Variants in IDH3B observed in about 807,000 individuals in gnomAD.
The protein encoded by IDH3B is isocitrate dehydrogenase (NAD(+)) 3 non-catalytic subunit beta.
IDH3B carries 40 observed loss-of-function variants against 47.5 expected under a neutral mutation model. The ratio of observed to expected loss-of-function variants is 0.84; its 90% CI spans 0.65 to 1.10. The LOEUF (loss-of-function observed/expected upper bound fraction) is 1.10, where lower values mean the gene tolerates loss of function less well. Ranked by LOEUF, IDH3B falls within the 50% of genes least tolerant of loss-of-function variation. The pLI, the probability that IDH3B is intolerant of heterozygous loss-of-function variation, is 0.00. For missense variants in IDH3B, 450 were observed against 505.2 expected, an observed-to-expected ratio of 0.89 and a Z score of 1.05; for synonymous variants, 185 against 191.0, an observed-to-expected ratio of 0.97 and a Z score of 0.26.
In IDH3B at chr20:2,659,447, T is replaced by G. The variant is rs748549513; in HGVS notation, c.1071+78A>C. 6 of 1,552,468 alleles carry G rather than the reference T, an allele frequency of 3.9e-6. No individual in the cohort carries two copies. In the African/African-American group the frequency reaches 8.2e-5, roughly 21 times the overall value. Reference sequence around the variant, plus strand: ...GGGGAAAGGAGACCCCCATTCAGGTTCCCCAGAGGGTAGTGCCGAGGTGCT... The same window carrying G: ...GGGGAAAGGAGACCCCCATTCAGGTGCCCCAGAGGGTAGTGCCGAGGTGCT... On this transcript the variant is annotated intron_variant, in intron 11 of 11. Coordinates refer to ENST00000380843, the MANE Select transcript of IDH3B (RefSeq NM_006899.5).
chr20:2,660,663 C>T lies in IDH3B; in HGVS notation c.531+34G>A, dbSNP rs2086929117. 6.2e-7 allele frequency: 1 copy of T among 1,614,228 alleles called. No homozygotes were observed. The highest frequency in any genetic ancestry group is 2.2e-5 in the East Asian group (1 of 44,880). On this transcript the variant is annotated intron_variant, in intron 6 of 11. Transcript: ENST00000380843. This position sits in a 1 kb window ranked among gnomAD's most constrained non-coding sequence, Gnocchi z 5.6. ...AGGAGCTCCACCTCTCTCCCATCTT[C>T]ATCCTTGCCCTCCCCCAGTTTCTGG... is the stretch of plus-strand genomic sequence containing the variant.
intron 11 of IDH3B, 196 bp downstream of exon 11, chr20:2,659,329 A>G: frequency 6.4e-7 from 1 of 1,551,296 alleles, no homozygotes; most frequent in South Asian, 1.2e-5. Context: ...GGCAAAAGAG[A>G]TCAAGAGGAT....
Position 2,658,414 on chromosome 20 carries a change from G to T in IDH3B, c.*337C>A. The T allele has an allele frequency of 1.2e-6, 2 of 1,613,566 alleles. No homozygotes were observed. Among genetic ancestry groups the T allele is most frequent in the South Asian group, 1.1e-5 (1 of 90,944 alleles). Reference sequence around the variant, plus strand: ...CAAGAGTTGGTTCATGTTCTTTATTGAACACCTTACATGGGTATGGACAGG... The same window carrying T: ...CAAGAGTTGGTTCATGTTCTTTATTTAACACCTTACATGGGTATGGACAGG... On this transcript the variant is annotated 3_prime_UTR_variant, in exon 12 of 12. Transcript: ENST00000380843.
chr20:2,663,603 C>A, intron 3 of IDH3B, 37 bp from the exon 4 acceptor site: 1 of 1,614,138 alleles, frequency 6.2e-7, no homozygotes, highest in East Asian at 2.2e-5. Context: ...ACAGTCAAGG[C>A]CAAGTCCTTT....
intron 4 of IDH3B, among the ~76,000 whole-genome samples, 154 bp from the exon 5 acceptor site, chr20:2,661,123 G>A (rs1438421750): frequency 6.6e-6 from 1 of 151,820 alleles, no homozygotes; most frequent in Admixed American, 6.6e-5. Context: ...TGGGGGCAAG[G>A]GACAAAAGAG....
intron 11 of IDH3B, 110 bp downstream of exon 11, chr20:2,659,415 G>T (rs768944372): frequency 7.2e-6 from 11 of 1,534,292 alleles, no homozygotes; most frequent in Non-Finnish European, 9.9e-6. Context: ...ATGTTCTGGG[G>T]ACCTGGGGGG....
At position 2,662,901 on chromosome 20, in the gene IDH3B, G is replaced by A. The variant is rs142423939; in HGVS notation, c.337+545C>T. ...GAACCCGGGAGGCAGAGGTTGCAGT[G>A]AGCTGAGATGGCAACATTGCACTCC... On this transcript the variant is annotated intron_variant, in intron 4 of 11. Coordinates refer to ENST00000380843, the MANE Select transcript of IDH3B (RefSeq NM_006899.5). Among the ~76,000 whole-genome samples the A allele has an allele frequency of 3.4e-3, 517 of 152,324 alleles. 2 individuals are homozygous for A. Among genetic ancestry groups the A allele is most frequent in the Non-Finnish European group, 6.3e-3 (427 of 68,026 alleles).
chr20:2,663,726 G>A lies in IDH3B; in HGVS notation c.150C>T (p.Pro50=), dbSNP rs780476351. The A allele has an allele frequency of 6.2e-7, 1 of 1,614,200 alleles. No homozygotes were observed. The highest frequency in any genetic ancestry group is 1.3e-5 in the African/African-American group (1 of 75,054). ...AEDVRVEGSF[P]VTMLPGDGVG... Reference sequence around the variant, plus strand: ...CACCGTCTCCCGGAAGCATGGTCACGGGAAAGGAGCCCTCCACCCTCACGT... The same window carrying A: ...CACCGTCTCCCGGAAGCATGGTCACAGGAAAGGAGCCCTCCACCCTCACGT... The change falls in exon 3 of 12, where the codon CCC becomes CCT. Residue 50 remains proline, a synonymous_variant. Coordinates refer to ENST00000380843, the MANE Select transcript of IDH3B (RefSeq NM_006899.5).
Position 2,663,922 on chromosome 20 carries a change from T to A in IDH3B, c.117+3A>T. The A allele has an allele frequency of 6.2e-7, 1 of 1,613,704 alleles. No homozygotes were observed. The highest frequency in any genetic ancestry group is 8.5e-7 in the Non-Finnish European group (1 of 1,179,700). On this transcript the variant is annotated splice_donor_region_variant and intron_variant, in intron 2 of 11. Transcript: ENST00000380843. ...GAGAGACCCCAGCCAGATTCGTGCATACCTGGCTCCGCGATGCAGCGTGCG... is the reference window on the plus strand; with the variant it reads ...GAGAGACCCCAGCCAGATTCGTGCAAACCTGGCTCCGCGATGCAGCGTGCG...
chr20:2,663,563 C>T lies in IDH3B; in HGVS notation c.220G>A (p.Ala74Thr). The T allele has an allele frequency of 6.2e-7, 1 of 1,614,202 alleles. No homozygotes were observed. Among genetic ancestry groups the T allele is most frequent in the Non-Finnish European group, 8.5e-7 (1 of 1,180,042 alleles). The change falls in exon 4 of 12, where the codon GCC (alanine) becomes ACC (threonine). Residue 74 changes from alanine (A) to threonine (T), a missense_variant. Physicochemically the swap from Ala to Thr is moderately conservative, Grantham distance 58. Transcript: ENST00000380843. ...TCCTGGAACTCCACTGGGACAGCGGCAGCCTTCAGAGACAGGTTCCCAAAA... is the reference window on the plus strand; with the variant it reads ...TCCTGGAACTCCACTGGGACAGCGGTAGCCTTCAGAGACAGGTTCCCAAAA... ...MHAVKEVFKA[A>T]AVPVEFQEHH...
rs5026920 is a variant in IDH3B at position 2,659,082 on chromosome 20, C to T, written c.1072-245G>A. ...CTGAGCAGGCAAAGATGATGGGAAA[C>T]GCAGATCAGAGGCAGGATGTGGCTA... On this transcript the variant is annotated intron_variant, in intron 11 of 11. Coordinates refer to ENST00000380843, the MANE Select transcript of IDH3B (RefSeq NM_006899.5). The T allele has an allele frequency of 3.5e-4, 504 of 1,429,504 alleles. 1 individual carries two copies. The highest frequency in any genetic ancestry group is 6.1e-4 in the Admixed American group (21 of 34,598). The allele number at this position is 1,429,504 out of a possible 1,614,324, so 88.6% of individuals were successfully genotyped here.
chr20:2,663,885 A>G (rs757303229), intron 2 of IDH3B, 40 bp downstream of exon 2: 1 of 1,605,420 alleles, frequency 6.2e-7, no homozygotes, highest in South Asian at 1.1e-5. Context: ...CGAGGAAGGG[A>G]CAGGGTCGTA....
chr20:2,660,465 G>A lies in IDH3B; in HGVS notation c.657C>T (p.Ala219=). 2 of 1,614,032 alleles carry A rather than the reference G, an allele frequency of 1.2e-6. No individual in the cohort carries two copies. Among genetic ancestry groups the A allele is most frequent in the Non-Finnish European group, 1.7e-6 (2 of 1,180,010 alleles). The change falls in exon 7 of 12, where the codon GCC becomes GCT. Residue 219 remains alanine, a synonymous_variant. Transcript: ENST00000380843. The surrounding 1 kb of genome is among the most constrained non-coding windows in gnomAD (Gnocchi z 5.6). ...AAAGCCATGCCCCTCACATGATGTT[G>A]GCCTTGTGGACAGCAGTGACCTTGC... is the stretch of plus-strand genomic sequence containing the variant. The part of the protein sequence containing the change: ...GRGKVTAVHK[A]NIMKLGDGLF...
Position 2,663,777 on chromosome 20 carries a change from G to T in IDH3B, c.118-19C>A. 1 of 1,612,578 alleles carries T rather than the reference G, an allele frequency of 6.2e-7. No homozygotes were observed. The highest frequency in any genetic ancestry group is 8.5e-7 in the Non-Finnish European group (1 of 1,178,606). On this transcript the variant is annotated intron_variant, in intron 2 of 11. Coordinates refer to ENST00000380843, the MANE Select transcript of IDH3B (RefSeq NM_006899.5). The stretch of plus-strand genomic sequence containing the variant: ...CCTCGGCCTCAATTGGGGGAAGAGG[G>T]GAGAAGTAAAGATAGAGCTGGGGCG...
At chr20:2,663,625 C>T (rs751084358) in intron 3 of IDH3B, 35 bp downstream of exon 3, 11 of 1,614,046 alleles carry the variant, frequency 6.8e-6, no homozygotes, top group Non-Finnish European at 8.5e-6. Flanking sequence ...CAACACACTA[C>T]TGTCCTCTAC....
At chr20:2,663,078 G>A (rs1318217847) in intron 4 of IDH3B, among the ~76,000 whole-genome samples, 2 of 151,598 alleles carry the variant, frequency 1.3e-5, no homozygotes, top group South Asian at 4.2e-4. Context: ...AGTGAGCCGA[G>A]ATCGCGCCAC....
Position 2,663,563 on chromosome 20 carries a change from C to G in IDH3B, c.220G>C (p.Ala74Pro). The G allele has an allele frequency of 6.8e-6, 11 of 1,614,202 alleles. No homozygotes were observed. Among genetic ancestry groups the G allele is most frequent in the Non-Finnish European group, 9.3e-6 (11 of 1,180,042 alleles). The stretch of plus-strand genomic sequence containing the variant: ...TCCTGGAACTCCACTGGGACAGCGG[C>G]AGCCTTCAGAGACAGGTTCCCAAAA... Reference protein sequence around the residue: ...MHAVKEVFKAAAVPVEFQEHH... With the variant: ...MHAVKEVFKAPAVPVEFQEHH... The change falls in exon 4 of 12, where the codon GCC becomes CCC. Residue 74 changes from alanine (A) to proline (P), a missense_variant. Coordinates refer to ENST00000380843, the MANE Select transcript of IDH3B (RefSeq NM_006899.5).
chr20:2,662,671 T>C (rs960567476), intron 4 of IDH3B, among the ~76,000 whole-genome samples: 1 of 151,908 alleles, frequency 6.6e-6, no homozygotes, highest in Non-Finnish European at 1.5e-5. Context: ...ATACAAAAAT[T>C]AGCCTGGGCA....
rs765943044 is a variant in IDH3B, at chr20:2,658,506, A to C, written c.*245T>G. ...GTCATGGCAAGTAGCATAGCCACCC[A>C]TGTCAGAGGTTCGAACCTGTGGGGG... On this transcript the variant is annotated 3_prime_UTR_variant, in exon 12 of 12. Coordinates refer to ENST00000380843, the MANE Select transcript of IDH3B (RefSeq NM_006899.5). The C allele has an allele frequency of 1.9e-6, 3 of 1,614,104 alleles. No homozygotes were observed. Among genetic ancestry groups the C allele is most frequent in the Non-Finnish European group, 2.5e-6 (3 of 1,180,010 alleles).
Sources: gnomAD v4.1 joint callset for allele counts (sites outside exome capture counted in the v4.1 genomes callset) on GRCh38, gnomAD v4.1.1 for gene constraint, Gnocchi (gnomAD v3.1) non-coding constraint, MANE v1.5 for transcripts, NCBI Gene and HGNC (gene_info 2026-07-23, HGNC 2026-07-21) for gene names.